SNX30: variants seen among roughly 807,000 people sequenced by gnomAD.
SNX30 encodes the protein sorting nexin family member 30, also known as sorting nexin-30.
A neutral mutation model predicts 46.4 loss-of-function variants in SNX30; 24 were observed. The observed-to-expected ratio is 0.52, with a 90% CI of 0.37 to 0.73. The LOEUF (loss-of-function observed/expected upper bound fraction) is 0.73. Among genes scored for constraint, SNX30 ranks in the 30% least tolerant of loss-of-function variants. The pLI is 0.00. For synonymous variants in SNX30, 189 were observed against 211.5 expected (o/e 0.89, Z 0.92); for missense variants, 533 against 555.7 (o/e 0.96, Z 0.41).
At chr9:112,838,407 T>TAG (rs1840799275) in intron 5 of SNX30, 91 bp from the exon 6 acceptor site, 1 of 1,059,880 alleles carries the variant, frequency 9.4e-7, no homozygotes, top group South Asian at 1.5e-5. Context: ...CATGTTCATG[T>TAG]AGAGAGCTCT....
At chr9:112,808,390 G>A (rs1840263813) in intron 2 of SNX30, among the ~76,000 whole-genome samples, 1 of 152,196 alleles carries the variant, frequency 6.6e-6, no homozygotes, top group Non-Finnish European at 1.5e-5. Context: ...TGTAGGCAAA[G>A]AATTATCCAC....
At chr9:112,775,154 CTTTTTTTT>C (rs1167634002) in intron 1 of SNX30, among the ~76,000 whole-genome samples, 6 of 113,916 alleles carry the variant, frequency 5.3e-5, no homozygotes, top group Admixed American at 9.0e-5. Context: ...TTTTTTCTTT[CTTTTTTTT>C]TTTTTTTTTT....
rs1200188871 is a variant in SNX30, at chr9:112,865,059, A to AC, written c.1254+667dup. 3.3e-4 allele frequency among the ~76,000 whole-genome samples: 39 copies of AC among 119,070 alleles called. 1 individual carries two copies. The East Asian group carries it at 5.3e-3, about 16-fold the overall frequency. The allele number at this position is 119,070 out of a possible 152,430, so 78.1% of individuals were successfully genotyped here. A position where few individuals can be genotyped will look rare whatever the true frequency, so the allele number is the denominator to read the frequency against. On this transcript the variant is annotated intron_variant, in intron 8 of 8. Coordinates refer to ENST00000374232, the MANE Select transcript of SNX30 (RefSeq NM_001012994.2). ...CACACACACACTACACACACACCAC[A>AC]CCCCCCCACACTACACACACACCAC...
intron 1 of SNX30, among the ~76,000 whole-genome samples, chr9:112,794,003 ACT>A (rs1257819214): frequency 1.3e-5 from 2 of 148,756 alleles, no homozygotes; most frequent in African/African-American, 5.1e-5. Flanking sequence ...TCTAGGTTTC[ACT>A]CTGTGTTCTT....
At chr9:112,868,630 C>A (rs1841398481) in intron 8 of SNX30, among the ~76,000 whole-genome samples, 154 bp from the exon 9 acceptor site, 1 of 152,168 alleles carries the variant, frequency 6.6e-6, no homozygotes, top group East Asian at 1.9e-4. Flanking sequence ...TGTTACCTCC[C>A]CGTTTGTAAT....
intron 4 of SNX30, among the ~76,000 whole-genome samples, chr9:112,833,788 TTA>T (rs1840706654): frequency 6.6e-6 from 1 of 152,146 alleles, no homozygotes; most frequent in South Asian, 2.1e-4. Context: ...GAGGCTTCAG[TTA>T]TAGTCTTGTG....
chr9:112,795,796 C>CACACACACACAT (rs71491062), intron 1 of SNX30, among the ~76,000 whole-genome samples: 4 of 150,946 alleles, frequency 2.6e-5, no homozygotes, highest in Non-Finnish European at 5.9e-5. Flanking sequence ...CACACACACA[C>CACACACACACAT]GCACACATGA....
At chr9:112,767,426 A>G (rs1839561757) in intron 1 of SNX30, among the ~76,000 whole-genome samples, 2 of 152,286 alleles carry the variant, frequency 1.3e-5, no homozygotes, top group South Asian at 2.1e-4. Context: ...CGGACAAAAC[A>G]TAAGTTTTTA....
intron 8 of SNX30, among the ~76,000 whole-genome samples, chr9:112,865,614 C>G (rs1841312210): frequency 9.5e-6 from 1 of 105,534 alleles, no homozygotes; most frequent in Non-Finnish European, 1.8e-5. Flanking sequence ...GTTTTTTGAT[C>G]CTGTCACGCC....
intron 3 of SNX30, 45 bp from the exon 4 acceptor site, chr9:112,830,680 A>G: frequency 6.3e-7 from 1 of 1,575,804 alleles, no homozygotes. Flanking sequence ...TTTTCCTTGC[A>G]CCATCTCATC....
intron 8 of SNX30, among the ~76,000 whole-genome samples, chr9:112,867,492 T>A (rs145659402): frequency 1.7e-4 from 25 of 147,800 alleles, no homozygotes; most frequent in African/African-American, 6.1e-4. Context: ...TCCTCCTCCC[T>A]CCTCAGAACT....
rs1408095708 is a variant in SNX30 at position 112,870,315 on chromosome 9, G to A, written c.*1472G>A. 2 of 152,122 alleles carry A rather than the reference G, an allele frequency of 1.3e-5. No homozygotes were observed. Among genetic ancestry groups the A allele is most frequent in the African/African-American group, 2.4e-5 (1 of 41,410 alleles). The allele number at this position is 152,122 out of a possible 1,614,324, so 9.4% of individuals were successfully genotyped here. The stretch of plus-strand genomic sequence containing the variant: ...TTTAATGAAACAGCTGTGTTAAGGC[G>A]CTGCTTCAGATGCAAGTTCACCTGG... On this transcript the variant is annotated 3_prime_UTR_variant, in exon 9 of 9. Transcript: ENST00000374232.
At chr9:112,754,006 G>C in intron 1 of SNX30, among the ~76,000 whole-genome samples, 1 of 152,168 alleles carries the variant, frequency 6.6e-6, no homozygotes, top group South Asian at 2.1e-4. Context: ...TCAGTGCTAT[G>C]GTCTGTCTTT....
chr9:112,786,340 C>G (rs140309650), intron 1 of SNX30, among the ~76,000 whole-genome samples: 1 of 151,928 alleles, frequency 6.6e-6, no homozygotes, highest in Non-Finnish European at 1.5e-5. Flanking sequence ...AGGCTGGTCT[C>G]GAACTCCTGG....
At chr9:112,790,331 G>A (rs1220110033) in intron 1 of SNX30, among the ~76,000 whole-genome samples, 3 of 152,174 alleles carry the variant, frequency 2.0e-5, no homozygotes, top group Non-Finnish European at 4.4e-5. Context: ...CTTTGCTGTG[G>A]TAATAACTCC....
intron 3 of SNX30, among the ~76,000 whole-genome samples, chr9:112,823,366 G>A (rs917207275): frequency 6.6e-6 from 1 of 152,160 alleles, no homozygotes; most frequent in Non-Finnish European, 1.5e-5. Flanking sequence ...TATAACACTA[G>A]CTTTATATCC....
At chr9:112,773,269 C>T (rs902266951) in intron 1 of SNX30, among the ~76,000 whole-genome samples, 2 of 152,188 alleles carry the variant, frequency 1.3e-5, no homozygotes, top group Non-Finnish European at 2.9e-5. Context: ...TAGTACCTGT[C>T]TCATAAGGTT....
At chr9:112,865,661 A>ATATATATGTGTGTGTGTGTGTGTGTGTG in intron 8 of SNX30, among the ~76,000 whole-genome samples, 9 of 105,682 alleles carry the variant, frequency 8.5e-5, no homozygotes, top group Non-Finnish European at 1.3e-4. Context: ...ATATATATAT[A>ATATATATGTGTGTGTGTGTGTGTGTGTG]TGTATGTATG....
chr9:112,795,213 C>T (rs534172814), intron 1 of SNX30, among the ~76,000 whole-genome samples: 3 of 152,044 alleles, frequency 2.0e-5, no homozygotes, highest in Non-Finnish European at 2.9e-5. Flanking sequence ...AATAGTGATA[C>T]AGCACCAGCC....
Sources: allele counts gnomAD v4.1 joint callset (sites outside exome capture counted in the v4.1 genomes callset), GRCh38; gene constraint gnomAD v4.1.1; transcripts MANE v1.5; gene names NCBI Gene and HGNC (gene_info 2026-07-23, HGNC 2026-07-21).